The following SHCBP1L variants were observed in gnomAD, a reference collection of about 807,000 sequenced individuals.
The protein encoded by SHCBP1L is testicular spindle-associated protein SHCBP1L.
Under a neutral mutation model 62.5 loss-of-function variants are expected in SHCBP1L, and 67 were observed. The observed-to-expected ratio is 1.07, with a 90% confidence interval of 0.88 to 1.31. SHCBP1L has a LOEUF of 1.31. Among genes scored for constraint, SHCBP1L ranks in the 40% most tolerant of loss-of-function variants. The pLI is 0.00. For synonymous variants in SHCBP1L, 284 were observed against 289.4 expected, an observed-to-expected ratio of 0.98 and a Z score of 0.19; for missense variants, 823 against 809.8, an observed-to-expected ratio of 1.02 and a Z score of -0.20.
intron 6 of SHCBP1L, among the ~76,000 whole-genome samples, chr1:182,917,061 A>G (rs1650378562): frequency 6.6e-6 from 1 of 152,204 alleles, no homozygotes; most frequent in Non-Finnish European, 1.5e-5. Context: ...AAAAAAAAGA[A>G]TTAACACCAA....
intron 6 of SHCBP1L, among the ~76,000 whole-genome samples, chr1:182,909,128 A>G (rs1174268570): frequency 4.6e-5 from 7 of 152,124 alleles, no homozygotes; most frequent in African/African-American, 1.7e-4. Context: ...CTCCTCATTT[A>G]TATTTTTTTT....
rs142459067 is a variant in SHCBP1L at position 182,913,103 on chromosome 1, C to G, written c.1183-7454G>C. The stretch of plus-strand genomic sequence containing the variant: ...TGAGCCGAGATCACACCACTGCACT[C>G]CAGCCTGGGTGACATAGCAAGACTC... On this transcript the variant is annotated intron_variant, in intron 6 of 9. Coordinates refer to ENST00000367547, the MANE Select transcript of SHCBP1L (RefSeq NM_030933.4). Among the ~76,000 whole-genome samples, 90 of 152,086 alleles carry G rather than the reference C, an allele frequency of 5.9e-4. 1 individual carries two copies. Among genetic ancestry groups the G allele is most frequent in the African/African-American group, 2.0e-3 (82 of 41,496 alleles).
intron 7 of SHCBP1L, 144 bp from the exon 8 acceptor site, chr1:182,904,574 T>C (rs1228749341): frequency 2.2e-5 from 16 of 740,430 alleles, no homozygotes; most frequent in South Asian, 5.9e-5. Flanking sequence ...TGTGTGTGTG[T>C]GTGCGCATGC....
intron 6 of SHCBP1L, among the ~76,000 whole-genome samples, chr1:182,912,527 A>T (rs1015040177): frequency 8.3e-5 from 12 of 144,388 alleles, no homozygotes; most frequent in South Asian, 2.2e-4. Context: ...TGTAATATCA[A>T]TTTTTTTTTT....
chr1:182,929,244 C>T (rs989593652), intron 6 of SHCBP1L, among the ~76,000 whole-genome samples: 4 of 152,080 alleles, frequency 2.6e-5, no homozygotes, highest in East Asian at 1.9e-4. Flanking sequence ...CTACATGTAC[C>T]GGGTACATAT....
chr1:182,952,235 T>TACACACACACAC (rs68031715), intron 1 of SHCBP1L, among the ~76,000 whole-genome samples: 2 of 42,836 alleles, frequency 4.7e-5, no homozygotes, highest in African/African-American at 2.3e-4. Flanking sequence ...TATATATATA[T>TACACACACACAC]ACACACACAC....
chr1:182,926,123 C>T (rs1251800844), intron 6 of SHCBP1L, among the ~76,000 whole-genome samples: 2 of 152,082 alleles, frequency 1.3e-5, no homozygotes, highest in Non-Finnish European at 2.9e-5. Flanking sequence ...ATGTACACAG[C>T]ATTGTGACCC....
At chr1:182,913,233 T>C (rs1342338981) in intron 6 of SHCBP1L, among the ~76,000 whole-genome samples, 1 of 152,140 alleles carries the variant, frequency 6.6e-6, no homozygotes, top group Non-Finnish European at 1.5e-5. Context: ...AAAAAGGAGT[T>C]GTGAGAACCC....
chr1:182,902,061 CTT>C (rs1156301250), intron 9 of SHCBP1L, among the ~76,000 whole-genome samples: 10 of 127,548 alleles, frequency 7.8e-5, no homozygotes, highest in Non-Finnish European at 1.0e-4. Context: ...CTTTTTTTTT[CTT>C]TTTTTTTTTT....
chr1:182,922,741 C>T (rs575348722), intron 6 of SHCBP1L, among the ~76,000 whole-genome samples: 1 of 152,178 alleles, frequency 6.6e-6, no homozygotes, highest in East Asian at 1.9e-4. Flanking sequence ...AACTCTGAGA[C>T]ACAGCTAAAT....
intron 6 of SHCBP1L, among the ~76,000 whole-genome samples, chr1:182,920,894 C>A (rs953463439): frequency 6.6e-6 from 1 of 151,876 alleles, no homozygotes; most frequent in Non-Finnish European, 1.5e-5. Flanking sequence ...GTAAAGAGAC[C>A]AAACCTACGA....
intron 6 of SHCBP1L, among the ~76,000 whole-genome samples, chr1:182,916,600 T>C (rs1012817952): frequency 7.2e-5 from 11 of 152,180 alleles, no homozygotes; most frequent in Non-Finnish European, 1.3e-4. Context: ...CTATGAACAA[T>C]TGTACACCAA....
At chr1:182,900,259 G>T in intron 9 of SHCBP1L, 25 bp from the exon 10 acceptor site, 1 of 1,500,170 alleles carries the variant, frequency 6.7e-7, no homozygotes, top group Non-Finnish European at 8.9e-7. Flanking sequence ...GAGGAAATTA[G>T]TTTTTCAATG....
intron 2 of SHCBP1L, among the ~76,000 whole-genome samples, chr1:182,948,397 T>G (rs1651635592): frequency 6.6e-6 from 1 of 152,218 alleles, no homozygotes. Context: ...TTGGGCCCAT[T>G]CTAATCACGA....
At chr1:182,929,194 C>T (rs1650879650) in intron 6 of SHCBP1L, among the ~76,000 whole-genome samples, 1 of 152,132 alleles carries the variant, frequency 6.6e-6, no homozygotes, top group Non-Finnish European at 1.5e-5. Context: ...TTCTTCTATT[C>T]AGCATTTCCA....
intron 2 of SHCBP1L, among the ~76,000 whole-genome samples, chr1:182,940,991 A>G (rs1310808949): frequency 6.6e-6 from 1 of 152,144 alleles, no homozygotes; most frequent in East Asian, 1.9e-4. Context: ...ACCTGGGACT[A>G]CAGGAACATG....
chr1:182,904,527 CTGTG>C (rs1239198613), intron 7 of SHCBP1L, 97 bp from the exon 8 acceptor site: 5 of 1,213,372 alleles, frequency 4.1e-6, no homozygotes, highest in African/African-American at 1.6e-5. Context: ...AAGTTTTTCC[CTGTG>C]TGCGTGTGTG....
chr1:182,941,209 C>T (rs189744157), intron 2 of SHCBP1L, among the ~76,000 whole-genome samples: 2 of 133,812 alleles, frequency 1.5e-5, no homozygotes, highest in African/African-American at 5.8e-5. Flanking sequence ...AAAAGCCCTG[C>T]TATCTGTATT....
intron 2 of SHCBP1L, chr1:182,950,486 C>G (rs562893894): frequency 6.6e-6 from 1 of 151,982 alleles, no homozygotes; most frequent in South Asian, 2.1e-4. Context: ...GTTAGGAGTT[C>G]AAGACCAGCC....
Sources: gnomAD v4.1 joint callset for allele counts (sites outside exome capture counted in the v4.1 genomes callset) on GRCh38, gnomAD v4.1.1 for gene constraint, MANE v1.5 for transcripts, NCBI Gene and HGNC (gene_info 2026-07-23, HGNC 2026-07-21) for gene names.